The following DYSF variants were observed in gnomAD, a reference collection of about 807,000 sequenced individuals.
DYSF encodes dystrophy-associated fer-1-like 1.
In DYSF, 212 loss-of-function variants were observed where a neutral mutation model predicts 274.9. The ratio of observed to expected loss-of-function variants is 0.77; its 90% CI spans 0.69 to 0.86. The LOEUF is 0.86. DYSF is among the 40% of genes least tolerant of loss of function. The pLI is 0.00. For synonymous variants in DYSF, 1,091 were observed against 1,078.7 expected, an observed-to-expected ratio of 1.01 and a Z score of -0.22; for missense variants, 2,666 against 2,783.2, an observed-to-expected ratio of 0.96 and a Z score of 0.95.
intron 45 of DYSF, among the ~76,000 whole-genome samples, chr2:71,662,842 G>A (rs2094914469): frequency 8.5e-6 from 1 of 118,024 alleles, no homozygotes; most frequent in African/African-American, 2.9e-5. Context: ...GTGTATATGT[G>A]TGTGTATGTG....
chr2:71,498,084 A>G lies in DYSF; in HGVS notation c.240-5130A>G, dbSNP rs1043515399. 2.0e-5 allele frequency among the ~76,000 whole-genome samples: 3 copies of G among 152,254 alleles called. No individual in the cohort carries two copies. In the East Asian group the frequency reaches 5.8e-4, roughly 29 times the overall value. ...GCCTGGGGAGTTTCTTCAGACCCCCAGTAAAAACTTGTTTAGTCCTAAATG... is the reference window on the plus strand; with the variant it reads ...GCCTGGGGAGTTTCTTCAGACCCCCGGTAAAAACTTGTTTAGTCCTAAATG... On this transcript the variant is annotated intron_variant, in intron 3 of 55. Coordinates refer to ENST00000410020, the MANE Select transcript of DYSF (RefSeq NM_001130987.2).
At chr2:71,640,418 T>C (rs1307663711) in intron 41 of DYSF, among the ~76,000 whole-genome samples, 1 of 152,234 alleles carries the variant, frequency 6.6e-6, no homozygotes, top group East Asian at 1.9e-4. Flanking sequence ...CAAATTTTTT[T>C]TAAAGGGTCA....
At chr2:71,605,808 TC>T (rs563248388) in intron 36 of DYSF, among the ~76,000 whole-genome samples, 53 of 151,850 alleles carry the variant, frequency 3.5e-4, no homozygotes, top group African/African-American at 1.3e-3. Context: ...AAGCCAGTGG[TC>T]CCCCATCCCC....
At chr2:71,601,654 C>T in intron 35 of DYSF, 126 bp downstream of exon 35, 7 of 1,319,870 alleles carry the variant, frequency 5.3e-6, no homozygotes, top group Non-Finnish European at 7.6e-6. Flanking sequence ...CGGGGAAGCT[C>T]TTTCAAGCAG....
At chr2:71,493,249 T>C (rs529034552) in intron 3 of DYSF, among the ~76,000 whole-genome samples, 1 of 152,322 alleles carries the variant, frequency 6.6e-6, no homozygotes, top group South Asian at 2.1e-4. Context: ...GATGAAATAA[T>C]GTTTTTCATT....
intron 12 of DYSF, among the ~76,000 whole-genome samples, chr2:71,521,935 GA>G (rs2087319752): frequency 6.6e-6 from 1 of 152,080 alleles, no homozygotes; most frequent in Admixed American, 6.5e-5. Flanking sequence ...GCACAGCGAT[GA>G]GTGGTGAGAG....
chr2:71,613,723 G>A (rs1034833102), intron 40 of DYSF, among the ~76,000 whole-genome samples: 2 of 152,120 alleles, frequency 1.3e-5, no homozygotes, highest in Admixed American at 1.3e-4. Flanking sequence ...AGGGTGAGGA[G>A]CAAATGAGAG....
chr2:71,574,425 G>A (rs2152823336), intron 30 of DYSF, 54 bp downstream of exon 30: 2 of 1,586,134 alleles, frequency 1.3e-6, no homozygotes, highest in East Asian at 4.5e-5. Context: ...TGGTTTCCCA[G>A]GGCTGTTCGG....
At chr2:71,498,796 C>T (rs4449160) in intron 3 of DYSF, among the ~76,000 whole-genome samples, 59,748 of 152,034 alleles carry the variant, frequency 0.39, 13,282 homozygotes, top group Non-Finnish European at 0.5. Flanking sequence ...AAGATGGAGT[C>T]GGTTGGGTCA....
chr2:71,584,146 G>A (rs1039644167), intron 30 of DYSF, among the ~76,000 whole-genome samples: 2 of 150,608 alleles, frequency 1.3e-5, no homozygotes, highest in Non-Finnish European at 3.0e-5. Flanking sequence ...AATGCCCTGG[G>A]CCTGGCCCTG....
At chr2:71,668,379 A>T (rs2095055227) in intron 48 of DYSF, among the ~76,000 whole-genome samples, 1 of 152,112 alleles carries the variant, frequency 6.6e-6, no homozygotes, top group African/African-American at 2.4e-5. Context: ...AGGGAGGAGG[A>T]TAAGGGGTGG....
At chr2:71,581,232 C>G (rs2092885743) in intron 30 of DYSF, among the ~76,000 whole-genome samples, 1 of 152,242 alleles carries the variant, frequency 6.6e-6, no homozygotes, top group Admixed American at 6.5e-5. Context: ...TCGCGCCAGC[C>G]CACACGTGGC....
rs140853981 is a variant in DYSF at position 71,575,101 on chromosome 2, C to T, written c.3402+730C>T. Among the ~76,000 whole-genome samples the T allele has an allele frequency of 2.5e-3, 386 of 152,258 alleles. 5 individuals are homozygous for T. Among genetic ancestry groups the T allele is most frequent in the East Asian group, 0.016 (82 of 5,154 alleles). On this transcript the variant is annotated intron_variant, in intron 30 of 55. Transcript: ENST00000410020. Reference sequence around the variant, plus strand: ...GCCCTAGGGAGCAAGCCCCATGGGACGTGAGGGTGTCCATGTGAAGCCAGC... The same window carrying T: ...GCCCTAGGGAGCAAGCCCCATGGGATGTGAGGGTGTCCATGTGAAGCCAGC...
At chr2:71,550,254 C>T (rs1306164207) in intron 17 of DYSF, among the ~76,000 whole-genome samples, 1 of 152,200 alleles carries the variant, frequency 6.6e-6, no homozygotes, top group Non-Finnish European at 1.5e-5. Flanking sequence ...CCAGTAAAGT[C>T]CCATCTGGGA....
chr2:71,602,883 A>T (rs1288716252), intron 36 of DYSF, 78 bp downstream of exon 36: 1 of 1,561,214 alleles, frequency 6.4e-7, no homozygotes, highest in African/African-American at 1.3e-5. Flanking sequence ...ACACACCTGG[A>T]GCCTTCCAGG....
intron 7 of DYSF, 119 bp downstream of exon 7, chr2:71,514,040 C>A: frequency 8.4e-7 from 1 of 1,184,552 alleles, no homozygotes; most frequent in Non-Finnish European, 1.2e-6. Flanking sequence ...TCAGGGCCCT[C>A]CTGTGGGGGA....
In DYSF at chr2:71,613,507, C is replaced by G. The variant is rs944486649; in HGVS notation, c.4464+97C>G. ...TCCCCTACCCTTCATTATCACACAGCCTCTATACACATCCCCTTCTGGGCT... is the reference window on the plus strand; with the variant it reads ...TCCCCTACCCTTCATTATCACACAGGCTCTATACACATCCCCTTCTGGGCT... On this transcript the variant is annotated intron_variant, in intron 40 of 55. Transcript: ENST00000410020. The G allele has an allele frequency of 2.9e-6, 3 of 1,045,718 alleles. No homozygotes were observed. The African/African-American group carries it at 4.7e-5, about 16-fold the overall frequency. 64.8% of individuals were successfully genotyped at this position (1,045,718 alleles called of 1,614,324 possible).
intron 3 of DYSF, among the ~76,000 whole-genome samples, chr2:71,489,763 C>T (rs61166481): frequency 0.037 from 5,568 of 152,212 alleles, 241 homozygotes; most frequent in African/African-American, 0.1. Flanking sequence ...AATTCTCAGG[C>T]TGTCCATCAG....
chr2:71,660,571 C>T lies in DYSF; in HGVS notation c.4923C>T (p.Tyr1641=), dbSNP rs376679461. The change falls in exon 45 of 56, where the codon TAC becomes TAT. Residue 1641 remains tyrosine, a synonymous_variant. Transcript: ENST00000410020. The stretch of plus-strand genomic sequence containing the variant: ...GTCTCCTCCTCCAGTGTGATCCTTA[C>T]ATCAAGATCTCCATAGGGAAGAAAT... ...PKDPNGKCDP[Y]IKISIGKKSV... 2 of 1,613,950 alleles carry T rather than the reference C, an allele frequency of 1.2e-6. No homozygotes were observed. Among genetic ancestry groups the T allele is most frequent in the Non-Finnish European group, 1.7e-6 (2 of 1,179,812 alleles).
Sources: gnomAD v4.1 joint callset for allele counts (sites outside exome capture counted in the v4.1 genomes callset) on GRCh38, gnomAD v4.1.1 for gene constraint, MANE v1.5 for transcripts, NCBI Gene and HGNC (gene_info 2026-07-23, HGNC 2026-07-21) for gene names.